PAK1IP1: variants seen among roughly 807,000 people sequenced by gnomAD.
PAK1IP1 encodes the protein p21-activated protein kinase-interacting protein 1.
PAK1IP1 carries 24 observed loss-of-function variants against 42.0 expected under a neutral mutation model. The observed-to-expected ratio is 0.57, with a 90% confidence interval of 0.41 to 0.80. The LOEUF (loss-of-function observed/expected upper bound fraction) is 0.80, where lower values mean the gene tolerates loss of function less well. Ranked by LOEUF, PAK1IP1 falls within the 30% of genes least tolerant of loss-of-function variation. The pLI, the probability that PAK1IP1 is intolerant of heterozygous loss-of-function variation, is 0.00. For synonymous variants in PAK1IP1, 154 were observed against 156.7 expected, an observed-to-expected ratio of 0.98 and a Z score of 0.13; for missense variants, 411 against 467.9, an observed-to-expected ratio of 0.88 and a Z score of 1.12.
intron 2 of PAK1IP1, 21 bp from the exon 3 acceptor site, chr6:10,702,348 C>T (rs367764852): frequency 1.9e-6 from 3 of 1,600,132 alleles, no homozygotes; most frequent in South Asian, 1.1e-5. Flanking sequence ...ATTATTTTTG[C>T]CTATTTTGGT....
chr6:10,703,355 A>G (rs1770096874), intron 4 of PAK1IP1, 50 bp from the exon 5 acceptor site: 9 of 1,366,230 alleles, frequency 6.6e-6, no homozygotes, highest in Non-Finnish European at 9.3e-6. Flanking sequence ...TTTTACGCTT[A>G]GTAAAAGTTA....
chr6:10,703,259 C>T (rs1770093927), intron 4 of PAK1IP1, 146 bp from the exon 5 acceptor site: 1 of 603,044 alleles, frequency 1.7e-6, no homozygotes, highest in East Asian at 2.9e-5. Flanking sequence ...CATAATATTT[C>T]AAAATATTGC....
intron 1 of PAK1IP1, 49 bp downstream of exon 1, chr6:10,695,118 C>T: frequency 1.6e-6 from 2 of 1,260,002 alleles, no homozygotes; most frequent in South Asian, 2.4e-5. Context: ...CCGGGAAGGT[C>T]GGGTTTGGTT....
intron 8 of PAK1IP1, among the ~76,000 whole-genome samples, chr6:10,707,869 AC>A (rs1452635448): frequency 6.6e-6 from 1 of 152,152 alleles, no homozygotes. Flanking sequence ...AACCATTTAA[AC>A]CAGACACTTT....
chr6:10,697,620 T>C (rs78094095), intron 2 of PAK1IP1, 134 bp downstream of exon 2: 21,298 of 713,762 alleles, frequency 0.03, 2,128 homozygotes, highest in African/African-American at 0.27. Flanking sequence ...AAAAAAATGG[T>C]TTCTTAGCCT....
upstream of PAK1IP1, among the ~76,000 whole-genome samples, chr6:10,693,012 A>T (rs926346266): frequency 6.6e-5 from 10 of 152,346 alleles, no homozygotes; most frequent in South Asian, 1.0e-3. Flanking sequence ...CATAAATGTT[A>T]GAAACAATAG....
chr6:10,704,476 A>G (rs1377455897), intron 5 of PAK1IP1, 31 bp from the exon 6 acceptor site: 1 of 1,375,892 alleles, frequency 7.3e-7, no homozygotes, highest in Non-Finnish European at 9.9e-7. Context: ...TATTTACAAA[A>G]TAAATAAACT....
chr6:10,704,818 C>T lies in PAK1IP1; in HGVS notation c.714C>T (p.Leu238=), dbSNP rs963982851. 2.5e-6 allele frequency: 4 copies of T among 1,612,346 alleles called. No homozygotes were observed. Among genetic ancestry groups the T allele is most frequent in the Non-Finnish European group, 3.4e-6 (4 of 1,178,426 alleles). ...TTGACTGTGATTCACTAGTGTGCCT[C>T]TGCGAATTTAAAGCTCATGAAAACA... ...RFFDCDSLVC[L]CEFKAHENRV... The change falls in exon 7 of 10, where the codon CTC becomes CTT. Residue 238 remains leucine, a synonymous_variant. Transcript: ENST00000379568.
upstream of PAK1IP1, among the ~76,000 whole-genome samples, chr6:10,691,240 C>A (rs146888164): frequency 5.8e-3 from 878 of 152,308 alleles, 8 homozygotes; most frequent in African/African-American, 0.02. Context: ...AACCCCTCAG[C>A]CAGCGAGTTT....
Position 10,704,590 on chromosome 6 carries a change from A to G in PAK1IP1, c.580A>G (p.Thr194Ala). 6 of 1,606,666 alleles carry G rather than the reference A, an allele frequency of 3.7e-6. No homozygotes were observed. The highest frequency in any genetic ancestry group is 5.1e-6 in the Non-Finnish European group (6 of 1,174,124). ...QNKIDIYQLDTASISGTITNE... is the reference protein window; with the variant it reads ...QNKIDIYQLDAASISGTITNE... ...TAAAATAGACATCTATCAGCTTGAC[A>G]CTGCATCCATTAGTGGCACCATCAC... Residue 194 changes from threonine to alanine, a missense_variant, in exon 6 of 10, where the codon ACT becomes GCT. By Grantham distance (58) the Thr-to-Ala change is moderately conservative. Transcript: ENST00000379568.
chr6:10,704,507 A>C lies in PAK1IP1; in HGVS notation c.497A>C (p.Asn166Thr). ...AAACTTCGTTTTTTTCCACTTACAG[A>C]TGCTCACATAGTAGAATGGTCCCCA... ...RSAFIKNIKQ[N>T]AHIVEWSPRG... Residue 166 changes from asparagine to threonine, a missense_variant and splice_region_variant, in exon 6 of 10, where the codon AAT (asparagine) becomes ACT (threonine). By Grantham distance (65) the Asn-to-Thr change is moderately conservative (BLOSUM62 0). Coordinates refer to ENST00000379568, the MANE Select transcript of PAK1IP1 (RefSeq NM_017906.3). 6.4e-7 allele frequency: 1 copy of C among 1,551,370 alleles called. No homozygotes were observed. The highest frequency in any genetic ancestry group is 8.7e-7 in the Non-Finnish European group (1 of 1,147,208).
upstream of PAK1IP1, among the ~76,000 whole-genome samples, chr6:10,693,648 C>G (rs898165112): frequency 1.3e-5 from 2 of 152,328 alleles, no homozygotes; most frequent in East Asian, 3.9e-4. Context: ...GAGAACTATA[C>G]GAACCAAGAT....
Position 10,704,519 on chromosome 6 carries a change from T to C in PAK1IP1, c.509T>C (p.Val170Ala). The C allele has an allele frequency of 6.3e-7, 1 of 1,588,338 alleles. No homozygotes were observed. The highest frequency in any genetic ancestry group is 8.6e-7 in the Non-Finnish European group (1 of 1,164,252). The change falls in exon 6 of 10, where the codon GTA becomes GCA. Residue 170 changes from valine (V) to alanine (A), a missense_variant. Val to Ala is a moderately conservative substitution (Grantham distance 64). Transcript: ENST00000379568. ...IKNIKQNAHI[V>A]EWSPRGEQYV... Reference sequence around the variant, plus strand: ...TTTCCACTTACAGATGCTCACATAGTAGAATGGTCCCCAAGAGGAGAGCAG... The same window carrying C: ...TTTCCACTTACAGATGCTCACATAGCAGAATGGTCCCCAAGAGGAGAGCAG...
chr6:10,694,594 C>G, upstream of PAK1IP1: 1 of 179,516 alleles, frequency 5.6e-6, no homozygotes, highest in South Asian at 9.8e-5. Flanking sequence ...GCGCTACAGC[C>G]CCTAAGCAAC....
intron 2 of PAK1IP1, 108 bp from the exon 3 acceptor site, chr6:10,702,260 AG>A: frequency 2.3e-6 from 2 of 877,710 alleles, no homozygotes; most frequent in South Asian, 1.7e-5. Flanking sequence ...AAAAAGAAAA[AG>A]AAAAAAAGGT....
At chr6:10,706,243 A>AGAGGCACAGGTGCAAAGACCCT (rs1372650901) in intron 7 of PAK1IP1, among the ~76,000 whole-genome samples, 1 of 152,068 alleles carries the variant, frequency 6.6e-6, no homozygotes, top group African/African-American at 2.4e-5. Context: ...TTAAAAAGAG[A>AGAGGCACAGGTGCAAAGACCCT]GAGGCACAGG....
At chr6:10,708,729 T>G (rs928070689) in intron 8 of PAK1IP1, among the ~76,000 whole-genome samples, 1 of 151,864 alleles carries the variant, frequency 6.6e-6, no homozygotes, top group African/African-American at 2.4e-5. Flanking sequence ...CCCCTTCCTG[T>G]GTCTGTGTGT....
chr6:10,694,277 A>G (rs1769642978), upstream of PAK1IP1, among the ~76,000 whole-genome samples: 1 of 151,618 alleles, frequency 6.6e-6, no homozygotes, highest in Non-Finnish European at 1.5e-5. Context: ...AAAAAAAAAA[A>G]AATGAAGGCT....
At chr6:10,694,591 A>ATGT, upstream of PAK1IP1, 2 of 180,128 alleles carry the variant, frequency 1.1e-5, no homozygotes, top group Non-Finnish European at 2.4e-5. Context: ...CCGGCGCTAC[A>ATGT]GCCCCTAAGC....
Sources: gnomAD v4.1 joint callset for allele counts (sites outside exome capture counted in the v4.1 genomes callset) on GRCh38, gnomAD v4.1.1 for gene constraint, MANE v1.5 for transcripts, NCBI Gene and HGNC (gene_info 2026-07-23, HGNC 2026-07-21) for gene names.